Variants in SBF1 observed in about 807,000 individuals in gnomAD.
SBF1 encodes the protein SET binding factor 1, also known as myotubularin-related protein 5.
A neutral mutation model predicts 215.8 loss-of-function variants in SBF1; 65 were observed. That is an observed-to-expected ratio of 0.30 (90% CI 0.25 to 0.37). SBF1 has a LOEUF of 0.37. Ranked by LOEUF, SBF1 falls within the 10% of genes least tolerant of loss-of-function variation. The pLI is 1.00. For missense variants in SBF1, 2,634 were observed against 2,667.8 expected, an observed-to-expected ratio of 0.99 and a Z score of 0.28; for synonymous variants, 1,410 against 1,122.8, an observed-to-expected ratio of 1.26 and a Z score of -5.11.
Position 50,448,435 on chromosome 22 carries a change from TA to T in SBF1, c.5160del (p.Ser1721AlafsTer28). 1 of 1,613,604 alleles carries T rather than the reference TA, an allele frequency of 6.2e-7. No homozygotes were observed. The highest frequency in any genetic ancestry group is 1.1e-5 in the South Asian group (1 of 91,074). On this transcript the variant is annotated frameshift_variant, in exon 38 of 41. Coordinates refer to ENST00000380817, the MANE Select transcript of SBF1 (RefSeq NM_002972.4). LOFTEE classifies it high-confidence loss of function. ...GGTGCGGTGGACACAAGGAGGGAGC[TA>T]GGGGTGCCCTGGGAACAGGAGGTTG... ...LEGRPDGRGT[P>X]SSLLVSTAPH...
rs1556415963 is a variant in SBF1 at position 50,447,351 on chromosome 22, T to A, written c.5554A>T (p.Lys1852Ter). 6.2e-7 allele frequency: 1 copy of A among 1,613,974 alleles called. No individual in the cohort carries two copies. Among genetic ancestry groups the A allele is most frequent in the Non-Finnish European group, 8.5e-7 (1 of 1,179,940 alleles). Residue 1852 changes from lysine (K) to a stop codon, truncating the protein, a stop_gained, in exon 40 of 41, where the codon AAG becomes TAG. Coordinates refer to ENST00000380817, the MANE Select transcript of SBF1 (RefSeq NM_002972.4). LOFTEE classifies it high-confidence loss of function. ...APGTPTMGAP[K>*]TVDEKAFFDV... ...AAGAAGGCCTTCTCGTCCACAGTCT[T>A]AGGGGCACCCATAGTGGGCGTGCCA...
rs139595182 is a variant in SBF1, at chr22:50,465,432, C to T, written c.1090-104G>A. The T allele has an allele frequency of 1.3e-3, 1,269 of 966,864 alleles. 8 individuals carry two copies. In the African/African-American group the frequency reaches 0.019, roughly 15 times the overall value. 59.9% of individuals were successfully genotyped at this position (966,864 alleles called of 1,614,324 possible). On this transcript the variant is annotated intron_variant, in intron 10 of 40. Coordinates refer to ENST00000380817, the MANE Select transcript of SBF1 (RefSeq NM_002972.4). ...CCAACCCACCCCAAGCTGCCCCGCT[C>T]CCATCCTTCTGCCCCTCCCACCATT...
At chr22:50,459,807 C>T (rs1024933414) in intron 26 of SBF1, 141 bp from the exon 27 acceptor site, 59 of 1,330,788 alleles carry the variant, frequency 4.4e-5, no homozygotes, top group Middle Eastern at 2.1e-4. Context: ...CCAGCCACCC[C>T]CCAGCCCTGT....
At position 50,464,652 on chromosome 22, in the gene SBF1, G is replaced by C. The variant is rs748807949; in HGVS notation, c.1518C>G (p.Pro506=). 1 of 1,609,192 alleles carries C rather than the reference G, an allele frequency of 6.2e-7. No homozygotes were observed. Among genetic ancestry groups the C allele is most frequent in the Non-Finnish European group, 8.5e-7 (1 of 1,179,796 alleles). Residue 506 remains proline, a synonymous_variant, in exon 14 of 41, where the codon CCC becomes CCG. Transcript: ENST00000380817. ...SHLRRVPRPF[P]RLDEGTVQWI... The stretch of plus-strand genomic sequence containing the variant: ...ACTGCACGGTGCCCTCATCCAGCCG[G>C]GGGAAGGGTCGGGGCACCCGTCGCA...
chr22:50,445,626 T>C lies in SBF1; in HGVS notation c.*1516A>G, dbSNP rs1440815893. 6.6e-6 allele frequency: 1 copy of C among 152,298 alleles called. No individual in the cohort carries two copies. The highest frequency in any genetic ancestry group is 1.5e-5 in the Non-Finnish European group (1 of 68,096). The allele number at this position is 152,298 out of a possible 1,614,324, so 9.4% of individuals were successfully genotyped here. A position where few individuals can be genotyped will look rare whatever the true frequency, so the allele number is the denominator to read the frequency against. On this transcript the variant is annotated 3_prime_UTR_variant, in exon 41 of 41. Transcript: ENST00000380817. The stretch of plus-strand genomic sequence containing the variant: ...TCTCCCCTTACTCTGACCTGTGGGT[T>C]TTCCAGGTGCCAGGAACTTCGGTCA...
chr22:50,474,550 T>C (rs1337063872), intron 1 of SBF1, among the ~76,000 whole-genome samples: 1 of 152,024 alleles, frequency 6.6e-6, no homozygotes, highest in Non-Finnish European at 1.5e-5. Flanking sequence ...GCCCTGGCCT[T>C]CAGTCCCCGC....
intron 36 of SBF1, among the ~76,000 whole-genome samples, chr22:50,451,106 G>T (rs1222758327): frequency 1.4e-5 from 2 of 144,498 alleles, no homozygotes; most frequent in African/African-American, 5.2e-5. Context: ...AAGGTGAGAG[G>T]ACTGCTTGAG....
At chr22:50,472,065 C>T (rs1006049326) in intron 1 of SBF1, among the ~76,000 whole-genome samples, 7 of 152,300 alleles carry the variant, frequency 4.6e-5, no homozygotes, top group Middle Eastern at 3.4e-3. Flanking sequence ...GGCCAAGAGC[C>T]GGGCAGAGGC....
intron 1 of SBF1, among the ~76,000 whole-genome samples, chr22:50,471,812 G>A (rs141812710): frequency 2.0e-5 from 3 of 152,192 alleles, no homozygotes; most frequent in Non-Finnish European, 4.4e-5. Context: ...TCCAGAGGGA[G>A]GGCAGGAACG....
At chr22:50,454,415 AC>A in intron 36 of SBF1, 96 bp downstream of exon 36, 1 of 1,063,792 alleles carries the variant, frequency 9.4e-7, no homozygotes, top group East Asian at 2.4e-5. Context: ...AACCGGACTT[AC>A]GTGCATGTAC....
chr22:50,459,176 G>C, intron 28 of SBF1, 79 bp downstream of exon 28: 1 of 1,517,552 alleles, frequency 6.6e-7, no homozygotes, highest in Non-Finnish European at 8.9e-7. Flanking sequence ...CTCCTCCCTG[G>C]CCTGCCTGCC....
rs766334428 is a variant in SBF1, at chr22:50,461,783, G to A, written c.2643+13C>T. ...GGCCTTGGGCCCCCGCAGCCCCAAC[G>A]GCCCCCGCAAACCTTCTGGATGGGC... On this transcript the variant is annotated intron_variant, in intron 21 of 40. Coordinates refer to ENST00000380817, the MANE Select transcript of SBF1 (RefSeq NM_002972.4). The A allele has an allele frequency of 1.9e-5, 31 of 1,612,618 alleles. No homozygotes were observed. The highest frequency in any genetic ancestry group is 1.8e-4 in the Admixed American group (11 of 60,016).
At position 50,461,091 on chromosome 22, in the gene SBF1, G is replaced by GA. The variant is rs1472460475; in HGVS notation, c.2967+67dup. ...ACTGGCCTAAAAATGGTTCATACAA[G>GA]AAAGACCGGTTTGCAGGAGAAAGAC... On this transcript the variant is annotated intron_variant, in intron 23 of 40. Transcript: ENST00000380817. 6 of 1,523,620 alleles carry GA rather than the reference G, an allele frequency of 3.9e-6. No homozygotes were observed. In the South Asian group the frequency reaches 5.0e-5, roughly 13 times the overall value. The allele number at this position is 1,523,620 out of a possible 1,614,324, so 94.4% of individuals were successfully genotyped here. A position where few individuals can be genotyped will look rare whatever the true frequency, so the allele number is the denominator to read the frequency against.
In SBF1 at chr22:50,466,365, A is replaced by G. The variant is rs1404101432; in HGVS notation, c.773T>C (p.Phe258Ser). ...DACRGLLALL[F>S]PLRYSFTYVP... ...CAGGGGTCACCTGTATCTGAGAGGAAACAGCAGTGCCAGGAGGCCCCTACA... is the reference window on the plus strand; with the variant it reads ...CAGGGGTCACCTGTATCTGAGAGGAGACAGCAGTGCCAGGAGGCCCCTACA... Residue 258 changes from phenylalanine to serine, a missense_variant, in exon 7 of 41, where the codon TTT (phenylalanine) becomes TCT (serine). Physicochemically the swap from Phe to Ser is radical, Grantham distance 155. Coordinates refer to ENST00000380817, the MANE Select transcript of SBF1 (RefSeq NM_002972.4). 6.4e-7 allele frequency: 1 copy of G among 1,563,432 alleles called. No individual in the cohort carries two copies. The highest frequency in any genetic ancestry group is 1.4e-5 in the African/African-American group (1 of 73,692).
chr22:50,464,025 G>A (rs1202336543), intron 15 of SBF1, among the ~76,000 whole-genome samples: 1 of 152,252 alleles, frequency 6.6e-6, no homozygotes, highest in East Asian at 1.9e-4. Context: ...AACAGGTCGT[G>A]TATGGGCCTA....
Position 50,454,543 on chromosome 22 carries a change from G to A in SBF1, c.5012C>T (p.Ala1671Val). 6.2e-7 allele frequency: 1 copy of A among 1,610,770 alleles called. No homozygotes were observed. The highest frequency in any genetic ancestry group is 1.3e-5 in the African/African-American group (1 of 75,038). Residue 1671 changes from alanine (A) to valine (V), a missense_variant, in exon 36 of 41, where the codon GCC becomes GTC. Physicochemically the swap from Ala to Val is moderately conservative, Grantham distance 64. Coordinates refer to ENST00000380817, the MANE Select transcript of SBF1 (RefSeq NM_002972.4). ...VWPCYDSCPR[A>V]QPDAISRLLE... ...CAGGCGTGAGATGGCGTCAGGCTGG[G>A]CCCGCGGGCAGCTGTCGTAACAGGG...
chr22:50,454,446 C>T lies in SBF1; in HGVS notation c.5043+66G>A, dbSNP rs114612053. 768 of 1,398,268 alleles carry T rather than the reference C, an allele frequency of 5.5e-4. 3 individuals carry two copies. In the African/African-American group the frequency reaches 7.1e-3, roughly 13 times the overall value. The allele number at this position is 1,398,268 out of a possible 1,614,324, so 86.6% of individuals were successfully genotyped here. ...ATGTACGAGTGTACACACACACGCA[C>T]GACCCTGGTGTCTGAGCGAGAGGAG... On this transcript the variant is annotated intron_variant, in intron 36 of 40. Transcript: ENST00000380817.
intron 22 of SBF1, 40 bp from the exon 23 acceptor site, chr22:50,461,326 A>AG (rs35628474): frequency 0.01 from 14,919 of 1,461,156 alleles, 74 homozygotes; most frequent in African/African-American, 0.035. Flanking sequence ...AAGGAAGGTA[A>AG]GGGGGGGGGG....
At chr22:50,465,933 G>C in intron 9 of SBF1, 28 bp downstream of exon 9, 1 of 1,611,040 alleles carries the variant, frequency 6.2e-7, no homozygotes, top group Non-Finnish European at 8.5e-7. Context: ...GGCCCCCAAG[G>C]CTCCCGCTTG....
Sources: gnomAD v4.1 joint callset for allele counts (sites outside exome capture counted in the v4.1 genomes callset) on GRCh38, gnomAD v4.1.1 for gene constraint, MANE v1.5 for transcripts, NCBI Gene and HGNC (gene_info 2026-07-23, HGNC 2026-07-21) for gene names.